The following PRKAG2 variants were observed in gnomAD, a reference collection of about 807,000 sequenced individuals.
PRKAG2 encodes the protein 5'-AMP-activated protein kinase subunit gamma-2.
In PRKAG2, 26 loss-of-function variants were observed where a neutral mutation model predicts 69.6. That is an observed-to-expected ratio of 0.37 (90% CI 0.27 to 0.52). PRKAG2 has a LOEUF of 0.52. PRKAG2 is among the 20% of genes least tolerant of loss of function. The pLI, the probability that PRKAG2 is intolerant of heterozygous loss-of-function variation, is 0.90. For missense variants in PRKAG2, 557 were observed against 740.0 expected, an observed-to-expected ratio of 0.75 and a Z score of 2.87; for synonymous variants, 293 against 285.0, an observed-to-expected ratio of 1.03 and a Z score of -0.28.
chr7:151,862,109 A>G (rs566261317), intron 1 of PRKAG2, among the ~76,000 whole-genome samples: 223 of 152,206 alleles, frequency 1.5e-3, no homozygotes, highest in Non-Finnish European at 2.6e-3. Context: ...CGGGCTCTGC[A>G]TTGCATGAAG....
intron 1 of PRKAG2, among the ~76,000 whole-genome samples, chr7:151,822,090 C>A (rs2151865609): frequency 6.6e-6 from 1 of 152,314 alleles, no homozygotes; most frequent in East Asian, 1.9e-4. Flanking sequence ...ACAACTGCCA[C>A]TGGGGACAGA....
rs1462251018 is a variant in PRKAG2 at position 151,782,327 on chromosome 7, AGGAAGGAAGGAAGGAGGGAG to A, written c.187-916_187-897del. Among the ~76,000 whole-genome samples the A allele has an allele frequency of 4.2e-4, 20 of 47,828 alleles. 1 individual carries two copies. The highest frequency in any genetic ancestry group is 1.8e-3 in the African/African-American group (19 of 10,828). 31.4% of individuals were successfully genotyped at this position (47,828 alleles called of 152,430 possible). Reference sequence around the variant, plus strand: ...AAGGAAGGAAGGAAGGAAGGAAGGAAGGAAGGAAGGAAGGAGGGAGGGAGGGAGGGAGGGAGGGAGGGAGG... The same window carrying A: ...AAGGAAGGAAGGAAGGAAGGAAGGAAGGAGGGAGGGAGGGAGGGAGGGAGG... On this transcript the variant is annotated intron_variant, in intron 2 of 15. Coordinates refer to ENST00000287878, the MANE Select transcript of PRKAG2 (RefSeq NM_016203.4).
intron 3 of PRKAG2, among the ~76,000 whole-genome samples, chr7:151,747,941 G>T: frequency 1.5e-5 from 2 of 135,726 alleles, no homozygotes; most frequent in African/African-American, 3.0e-5. Flanking sequence ...TTTTTTTTTG[G>T]GACAAGGTCT....
intron 1 of PRKAG2, among the ~76,000 whole-genome samples, chr7:151,817,373 C>T (rs1433711193): frequency 1.3e-5 from 2 of 152,224 alleles, no homozygotes; most frequent in Non-Finnish European, 2.9e-5. Flanking sequence ...AGGCATTACT[C>T]TTAGCACCCT....
intron 1 of PRKAG2, among the ~76,000 whole-genome samples, chr7:151,808,044 G>C (rs1034352291): frequency 6.6e-6 from 1 of 152,124 alleles, no homozygotes; most frequent in Admixed American, 6.5e-5. Context: ...GCAAGACGAC[G>C]GCAGATATTT....
rs938690491 is a variant in PRKAG2 at position 151,836,918 on chromosome 7, C to A, written c.114+39589G>T. On this transcript the variant is annotated intron_variant, in intron 1 of 15. Transcript: ENST00000287878. The surrounding 1 kb of genome is among the most constrained non-coding windows in gnomAD (Gnocchi z 4.1). ...GCACTCCAGACGCGAAAGGGCCCGG[C>A]CCAGCCAGCTTGCGGGGACCCCCGA... Among the ~76,000 whole-genome samples, 8 of 151,896 alleles carry A rather than the reference C, an allele frequency of 5.3e-5. No homozygotes were observed. Among genetic ancestry groups the A allele is most frequent in the African/African-American group, 1.7e-4 (7 of 41,328 alleles).
chr7:151,653,250 G>T (rs1367085858), intron 4 of PRKAG2, among the ~76,000 whole-genome samples: 1 of 151,808 alleles, frequency 6.6e-6, no homozygotes, highest in Non-Finnish European at 1.5e-5. Flanking sequence ...CATTAAATTT[G>T]CTTGTTAAAA....
intron 1 of PRKAG2, among the ~76,000 whole-genome samples, chr7:151,831,412 C>T (rs1274832005): frequency 6.6e-6 from 1 of 152,182 alleles, no homozygotes; most frequent in Admixed American, 6.5e-5. Context: ...AAAGGAAGGA[C>T]TGACGCATGG....
chr7:151,808,102 A>G (rs1281140839), intron 1 of PRKAG2, among the ~76,000 whole-genome samples: 1 of 152,054 alleles, frequency 6.6e-6, no homozygotes, highest in Non-Finnish European at 1.5e-5. Flanking sequence ...CCCACCCATC[A>G]CCTAGTGTCC....
intron 3 of PRKAG2, among the ~76,000 whole-genome samples, chr7:151,697,951 T>C (rs1195119793): frequency 1.3e-5 from 2 of 152,100 alleles, no homozygotes; most frequent in Non-Finnish European, 2.9e-5. Context: ...CACAGGCCAG[T>C]GGGTGCATTC....
At chr7:151,676,374 CA>C (rs1832951493) in intron 3 of PRKAG2, among the ~76,000 whole-genome samples, 1 of 151,938 alleles carries the variant, frequency 6.6e-6, no homozygotes, top group African/African-American at 2.4e-5. Flanking sequence ...GATAAATACC[CA>C]AGGAGACTTC....
chr7:151,745,252 C>T (rs1375996519), intron 3 of PRKAG2, among the ~76,000 whole-genome samples: 1 of 152,204 alleles, frequency 6.6e-6, no homozygotes, highest in East Asian at 1.9e-4. Context: ...TGCAAGAGGG[C>T]ACGGGTCCCC....
At chr7:151,811,683 C>G (rs1040185811) in intron 1 of PRKAG2, among the ~76,000 whole-genome samples, 1 of 152,198 alleles carries the variant, frequency 6.6e-6, no homozygotes, top group Admixed American at 6.5e-5. Context: ...CCACTGGTGC[C>G]GGGCTGCTGA....
At chr7:151,867,276 C>A (rs1234974284) in intron 1 of PRKAG2, among the ~76,000 whole-genome samples, 1 of 152,166 alleles carries the variant, frequency 6.6e-6, no homozygotes, top group Non-Finnish European at 1.5e-5. Flanking sequence ...TGTGATAATG[C>A]GGCACCACAT....
At chr7:151,762,390 T>G (rs2075470076) in intron 3 of PRKAG2, among the ~76,000 whole-genome samples, 2 of 152,148 alleles carry the variant, frequency 1.3e-5, no homozygotes, top group Admixed American at 1.3e-4. Flanking sequence ...TTCTTACATA[T>G]ACGACGTATA....
At chr7:151,626,737 C>A (rs1265911410) in intron 5 of PRKAG2, among the ~76,000 whole-genome samples, 1 of 147,790 alleles carries the variant, frequency 6.8e-6, no homozygotes, top group Non-Finnish European at 1.5e-5. Flanking sequence ...GGCAATTCTC[C>A]CTTAAGCAAG....
At chr7:151,686,048 T>C (rs1834683969) in intron 3 of PRKAG2, among the ~76,000 whole-genome samples, 1 of 152,136 alleles carries the variant, frequency 6.6e-6, no homozygotes, top group South Asian at 2.1e-4. Context: ...CTGTCCCCAC[T>C]GAGTCTAACC....
chr7:151,729,199 G>T (rs1010717281), intron 3 of PRKAG2, among the ~76,000 whole-genome samples: 1 of 152,074 alleles, frequency 6.6e-6, no homozygotes. Context: ...CCAAATCCAC[G>T]GCTGGGAGTG....
chr7:151,591,067 A>G (rs1322814607), intron 6 of PRKAG2, among the ~76,000 whole-genome samples: 1 of 152,218 alleles, frequency 6.6e-6, no homozygotes, highest in East Asian at 1.9e-4. Context: ...CCACCTGCAC[A>G]TTCCATACCC....
Sources: gnomAD v4.1 joint callset for allele counts (sites outside exome capture counted in the v4.1 genomes callset) on GRCh38, gnomAD v4.1.1 for gene constraint, Gnocchi (gnomAD v3.1) non-coding constraint, MANE v1.5 for transcripts, NCBI Gene and HGNC (gene_info 2026-07-23, HGNC 2026-07-21) for gene names.